Variants in GPC6 observed in about 807,000 individuals in gnomAD.
GPC6 encodes glypican-6.
GPC6 carries 14 observed loss-of-function variants against 55.2 expected under a neutral mutation model. That is an observed-to-expected ratio of 0.25 (90% CI 0.17 to 0.40). GPC6 has a LOEUF of 0.40. Among genes scored for constraint, GPC6 ranks in the 10% least tolerant of loss-of-function variants. The pLI is 1.00. For missense variants in GPC6, 641 were observed against 708.5 expected (o/e 0.90, Z 1.08); for synonymous variants, 278 against 259.6 (o/e 1.07, Z -0.68).
chr13:94,108,180 A>G (rs1886122634), intron 4 of GPC6, among the ~76,000 whole-genome samples: 1 of 152,198 alleles, frequency 6.6e-6, no homozygotes, highest in South Asian at 2.1e-4. Flanking sequence ...ACTGTGGTAT[A>G]TATGTATAAT....
chr13:93,857,054 A>G lies in GPC6; in HGVS notation c.711+26509A>G, dbSNP rs547321223. Among the ~76,000 whole-genome samples, 13 of 151,762 alleles carry G rather than the reference A, an allele frequency of 8.6e-5. No individual in the cohort carries two copies. The East Asian group carries it at 2.5e-3, about 30-fold the overall frequency. ...AATACAATATTTACAGCCACATATC[A>G]CTTATTTAGTACCAAAGGGATGCAA... On this transcript the variant is annotated intron_variant, in intron 3 of 8. Coordinates refer to ENST00000377047, the MANE Select transcript of GPC6 (RefSeq NM_005708.5).
chr13:94,264,969 G>A (rs1891753753), intron 4 of GPC6, among the ~76,000 whole-genome samples: 1 of 152,112 alleles, frequency 6.6e-6, no homozygotes, highest in African/African-American at 2.4e-5. Context: ...TCACAAGAAC[G>A]GTATGGGGGA....
intron 2 of GPC6, among the ~76,000 whole-genome samples, chr13:93,633,613 G>A (rs748171262): frequency 1.3e-5 from 2 of 151,446 alleles, no homozygotes; most frequent in South Asian, 2.1e-4. Flanking sequence ...TCCAGCCTGG[G>A]TGACAGAGTG....
At chr13:94,326,935 G>A (rs947744783) in intron 6 of GPC6, among the ~76,000 whole-genome samples, 3 of 152,176 alleles carry the variant, frequency 2.0e-5, no homozygotes, top group African/African-American at 7.2e-5. Flanking sequence ...AGAAATGCAA[G>A]CGTGGGAAAA....
intron 5 of GPC6, among the ~76,000 whole-genome samples, chr13:94,304,142 C>G (rs912281774): frequency 2.0e-5 from 3 of 152,364 alleles, no homozygotes; most frequent in Admixed American, 6.5e-5. Context: ...AAAGGGCCCA[C>G]TATCTTTATC....
At chr13:94,057,898 T>G (rs1247668128) in intron 4 of GPC6, among the ~76,000 whole-genome samples, 1 of 152,182 alleles carries the variant, frequency 6.6e-6, no homozygotes. Context: ...GTATTCAAAC[T>G]CACTATAGAT....
intron 7 of GPC6, 120 bp from the exon 8 acceptor site, chr13:94,398,346 G>A (rs1470979903): frequency 2.9e-5 from 22 of 760,236 alleles, no homozygotes; most frequent in Non-Finnish European, 4.8e-5. Context: ...ACTAGATCCA[G>A]TTTTTGCCAG....
At chr13:93,563,718 G>GAGCCTGGGCAGT (rs771409946) in intron 2 of GPC6, among the ~76,000 whole-genome samples, 15 of 151,160 alleles carry the variant, frequency 9.9e-5, no homozygotes, top group Non-Finnish European at 1.9e-4. Context: ...AAAACGTCTG[G>GAGCCTGGGCAGT]AGCCTGGGCA....
At chr13:93,867,497 G>A (rs967755138) in intron 3 of GPC6, among the ~76,000 whole-genome samples, 2 of 151,704 alleles carry the variant, frequency 1.3e-5, no homozygotes, top group Non-Finnish European at 2.9e-5. Flanking sequence ...ATTGAAAAGA[G>A]TAAATTAGAA....
intron 3 of GPC6, among the ~76,000 whole-genome samples, chr13:93,840,234 T>C (rs1357108051): frequency 6.6e-6 from 1 of 152,104 alleles, no homozygotes; most frequent in Admixed American, 6.6e-5. Flanking sequence ...AAAATCCAAA[T>C]AACCACACTA....
chr13:94,382,784 G>A (rs1880224410), intron 7 of GPC6, among the ~76,000 whole-genome samples: 1 of 152,232 alleles, frequency 6.6e-6, no homozygotes, highest in Non-Finnish European at 1.5e-5. Context: ...GCCTCTGGAT[G>A]AGGACAGAGG....
intron 3 of GPC6, among the ~76,000 whole-genome samples, chr13:93,922,457 A>T (rs1034291503): frequency 6.6e-5 from 10 of 152,210 alleles, no homozygotes; most frequent in African/African-American, 2.4e-4. Flanking sequence ...CTACATATCT[A>T]AATCGGGATT....
chr13:93,375,040 T>C lies in GPC6; in HGVS notation c.160+147424T>C, dbSNP rs914668220. Among the ~76,000 whole-genome samples the C allele has an allele frequency of 3.3e-5, 5 of 152,186 alleles. No homozygotes were observed. In the East Asian group the frequency reaches 9.7e-4, roughly 29 times the overall value. ...AGCAGTCAGTTCTTCCATTCGTCTG[T>C]CCCTTTAATTGCTTCGTGCCACTTC... On this transcript the variant is annotated intron_variant, in intron 1 of 8. Transcript: ENST00000377047.
chr13:93,617,907 C>CT (rs927927695), intron 2 of GPC6, among the ~76,000 whole-genome samples: 3 of 152,010 alleles, frequency 2.0e-5, no homozygotes, highest in African/African-American at 7.2e-5. Context: ...ATACTAAAAA[C>CT]AAATCATGAT....
chr13:93,710,598 G>A (rs1183838586), intron 2 of GPC6, among the ~76,000 whole-genome samples: 1 of 151,458 alleles, frequency 6.6e-6, no homozygotes, highest in African/African-American at 2.4e-5. Flanking sequence ...GCTCCTATAA[G>A]TTATCATTCT....
At chr13:94,272,337 G>A (rs1287154393) in intron 4 of GPC6, among the ~76,000 whole-genome samples, 1 of 152,012 alleles carries the variant, frequency 6.6e-6, no homozygotes, top group African/African-American at 2.4e-5. Flanking sequence ...TTAGGGCAAA[G>A]GAGGAGAAAT....
chr13:93,693,023 G>C (rs995446072), intron 2 of GPC6, among the ~76,000 whole-genome samples: 3 of 151,034 alleles, frequency 2.0e-5, no homozygotes, highest in African/African-American at 7.3e-5. Context: ...CTAAAAAGTA[G>C]ATTTGAAAAA....
chr13:93,426,378 C>G (rs898818830), intron 1 of GPC6, among the ~76,000 whole-genome samples: 124 of 139,930 alleles, frequency 8.9e-4, no homozygotes, highest in African/African-American at 3.1e-3. Flanking sequence ...TAAAGCTATC[C>G]CTTCCCCCTC....
chr13:94,032,538 G>A (rs867787073), intron 4 of GPC6, among the ~76,000 whole-genome samples: 3 of 152,156 alleles, frequency 2.0e-5, no homozygotes, highest in Non-Finnish European at 2.9e-5. Flanking sequence ...TGATTTGTCA[G>A]TGGTTCTTAA....
Sources: allele counts gnomAD v4.1 joint callset (sites outside exome capture counted in the v4.1 genomes callset), GRCh38; gene constraint gnomAD v4.1.1; transcripts MANE v1.5; gene names NCBI Gene and HGNC (gene_info 2026-07-23, HGNC 2026-07-21).